Variants in CYRIB observed in about 807,000 individuals in gnomAD.
The protein encoded by CYRIB is CYFIP-related Rac1 interactor B.
In CYRIB, 8 loss-of-function variants were observed where a neutral mutation model predicts 44.2. The ratio of observed to expected loss-of-function variants is 0.18; its 90% confidence interval spans 0.11 to 0.33. The LOEUF (loss-of-function observed/expected upper bound fraction) is 0.33, where lower values mean the gene tolerates loss of function less well. CYRIB is among the 10% of genes least tolerant of loss of function. CYRIB has a pLI of 1.00. For missense variants in CYRIB, 185 were observed against 382.8 expected (o/e 0.48, Z 4.31); for synonymous variants, 131 against 127.2 (o/e 1.03, Z -0.20).
rs553559554 is a variant in CYRIB at position 129,929,098 on chromosome 8, A to G, written c.-50+10510T>C. Among the ~76,000 whole-genome samples, 4 of 152,362 alleles carry G rather than the reference A, an allele frequency of 2.6e-5. No homozygotes were observed. The South Asian group carries it at 8.3e-4, about 32-fold the overall frequency. On this transcript the variant is annotated intron_variant, in intron 1 of 11. Transcript: ENST00000519824. Reference sequence around the variant, plus strand: ...ATATCCACAGAATGGAATATTACTCAACAATAGAAAGGAACAAATTACTGA... The same window carrying G: ...ATATCCACAGAATGGAATATTACTCGACAATAGAAAGGAACAAATTACTGA...
At chr8:129,980,712 T>A (rs2096197481) in intron 1 of CYRIB, among the ~76,000 whole-genome samples, 1 of 151,392 alleles carries the variant, frequency 6.6e-6, no homozygotes. Context: ...TCAGGCACAG[T>A]GGCTCACGCC....
chr8:129,971,995 C>T (rs1351825373), intron 1 of CYRIB, among the ~76,000 whole-genome samples: 2 of 152,200 alleles, frequency 1.3e-5, no homozygotes, highest in East Asian at 1.9e-4. Flanking sequence ...ATGACTTTTT[C>T]TCTGGCCTTT....
intron 11 of CYRIB, 105 bp downstream of exon 13, chr8:129,846,699 C>A (rs1018078205): frequency 4.1e-6 from 3 of 724,686 alleles, no homozygotes; most frequent in Non-Finnish European, 6.8e-6. Flanking sequence ...AGCTTGAACA[C>A]TTATTTTTAT....
chr8:129,846,424 A>G (rs1029656056), intron 11 of CYRIB, among the ~76,000 whole-genome samples: 2 of 152,248 alleles, frequency 1.3e-5, no homozygotes, highest in African/African-American at 4.8e-5. Flanking sequence ...ATAGTGGCTT[A>G]TCTCAAAATG....
intron 1 of CYRIB, among the ~76,000 whole-genome samples, chr8:129,920,181 T>A (rs298601): frequency 6.6e-6 from 1 of 151,716 alleles, no homozygotes; most frequent in African/African-American, 2.4e-5. Context: ...CTTTAAAACA[T>A]GTAAGTCCAG....
chr8:129,965,145 A>C (rs1185577859), intron 2 of CYRIB, among the ~76,000 whole-genome samples: 1 of 152,170 alleles, frequency 6.6e-6, no homozygotes, highest in Non-Finnish European at 1.5e-5. Context: ...CTCTATAAAC[A>C]TTCAAAGAAA....
At chr8:129,912,979 T>C (rs1441730713) in intron 1 of CYRIB, among the ~76,000 whole-genome samples, 1 of 150,668 alleles carries the variant, frequency 6.6e-6, no homozygotes, top group Non-Finnish European at 1.5e-5. Flanking sequence ...CACTTTTTTT[T>C]TTTTTTTTTT....
intron 1 of CYRIB, among the ~76,000 whole-genome samples, chr8:129,921,929 T>C (rs953140598): frequency 2.6e-4 from 40 of 152,254 alleles, no homozygotes; most frequent in African/African-American, 9.1e-4. Context: ...TCTGAAGATG[T>C]TGAGAAGGCA....
intron 1 of CYRIB, among the ~76,000 whole-genome samples, chr8:129,971,996 T>C (rs888805122): frequency 6.6e-6 from 1 of 152,254 alleles, no homozygotes; most frequent in South Asian, 2.1e-4. Flanking sequence ...TGACTTTTTC[T>C]CTGGCCTTTA....
chr8:129,863,771 T>C (rs2051510729), intron 4 of CYRIB, among the ~76,000 whole-genome samples: 1 of 152,190 alleles, frequency 6.6e-6, no homozygotes. Context: ...TTTCCAAAAA[T>C]ACATATTTTT....
upstream of CYRIB, among the ~76,000 whole-genome samples, chr8:129,940,555 CTTAA>C (rs1351014817): frequency 2.0e-5 from 3 of 152,186 alleles, no homozygotes; most frequent in Non-Finnish European, 4.4e-5. Flanking sequence ...GGCACAGCCT[CTTAA>C]TTACTTCCCT....
At chr8:129,909,938 T>G (rs555420301) in intron 1 of CYRIB, among the ~76,000 whole-genome samples, 13 of 152,308 alleles carry the variant, frequency 8.5e-5, no homozygotes, top group African/African-American at 3.1e-4. Flanking sequence ...ATTTCTCAAA[T>G]GAGACTACCA....
intron 5 of CYRIB, among the ~76,000 whole-genome samples, chr8:129,858,033 A>G (rs1329892722): frequency 1.1e-4 from 17 of 152,306 alleles, no homozygotes; most frequent in Admixed American, 5.2e-4. Context: ...TGGTAGATCT[A>G]TGTTGAAAGG....
intron 2 of CYRIB, among the ~76,000 whole-genome samples, chr8:129,967,432 T>G (rs1271480176): frequency 6.6e-6 from 1 of 151,800 alleles, no homozygotes; most frequent in African/African-American, 2.4e-5. Context: ...CAGGCTGGAG[T>G]GCAGTGGCGC....
chr8:130,009,636 T>C (rs1248643185), intron 1 of CYRIB, among the ~76,000 whole-genome samples: 4 of 152,280 alleles, frequency 2.6e-5, no homozygotes, highest in Middle Eastern at 3.4e-3. Flanking sequence ...AGGATAGCCC[T>C]GGACAAATCA....
rs181303036 is a variant in CYRIB, at chr8:129,855,459, G to A, written c.438+152C>T. ...CTCTTTGCCATGTATCAAAAGACCC[G>A]TCATTAATTTCTAAATCCAGCTTTG... On this transcript the variant is annotated intron_variant, in intron 6 of 11. Transcript: ENST00000519824. 1.4e-3 allele frequency: 1,018 copies of A among 705,008 alleles called. 2 individuals are homozygous for A. Among genetic ancestry groups the A allele is most frequent in the Non-Finnish European group, 1.2e-3 (524 of 448,602 alleles). 43.7% of individuals were successfully genotyped at this position (705,008 alleles called of 1,614,324 possible).
intron 1 of CYRIB, among the ~76,000 whole-genome samples, chr8:129,998,597 G>T (rs189514422): frequency 4.6e-5 from 7 of 152,228 alleles, no homozygotes; most frequent in Admixed American, 4.6e-4. Context: ...GCTCCCCGGG[G>T]GGGTTGTTGG....
chr8:130,012,018 C>T (rs1391426954), intron 1 of CYRIB, among the ~76,000 whole-genome samples: 2 of 152,006 alleles, frequency 1.3e-5, no homozygotes, highest in Non-Finnish European at 2.9e-5. Flanking sequence ...TTCCAAAACA[C>T]GTCTTCAGTT....
At chr8:129,858,322 A>G (rs1359124710) in intron 5 of CYRIB, among the ~76,000 whole-genome samples, 1 of 152,194 alleles carries the variant, frequency 6.6e-6, no homozygotes, top group Non-Finnish European at 1.5e-5. Flanking sequence ...CCAGGAGAAA[A>G]TTAATAGTCT....
Sources: allele counts gnomAD v4.1 joint callset (sites outside exome capture counted in the v4.1 genomes callset), GRCh38; gene constraint gnomAD v4.1.1; transcripts MANE v1.5; gene names NCBI Gene and HGNC (gene_info 2026-07-23, HGNC 2026-07-21).